The following NELL1 variants were observed in gnomAD, a reference collection of about 807,000 sequenced individuals.
NELL1 encodes neural EGFL like 1, also known as protein kinase C-binding protein NELL1.
NELL1 carries 76 observed loss-of-function variants against 107.4 expected under a neutral mutation model. The observed-to-expected ratio is 0.71, with a 90% CI of 0.59 to 0.86. NELL1 has a LOEUF of 0.86. NELL1 is among the 40% of genes least tolerant of loss of function. The pLI is 0.00. For missense variants in NELL1, 1,024 were observed against 1,005.5 expected, an observed-to-expected ratio of 1.02 and a Z score of -0.25; for synonymous variants, 353 against 341.2, an observed-to-expected ratio of 1.03 and a Z score of -0.38.
At chr11:20,694,803 G>T (rs771338966) in intron 2 of NELL1, among the ~76,000 whole-genome samples, 1 of 151,906 alleles carries the variant, frequency 6.6e-6, no homozygotes. Context: ...ACATTTTAGT[G>T]TAGGTTTTTT....
At chr11:21,300,541 T>C (rs1849470855) in intron 14 of NELL1, among the ~76,000 whole-genome samples, 1 of 151,522 alleles carries the variant, frequency 6.6e-6, no homozygotes, top group Non-Finnish European at 1.5e-5. Flanking sequence ...AAAATGAGAG[T>C]AGAGGTTAGG....
At chr11:20,906,848 G>C (rs79065275) in intron 5 of NELL1, among the ~76,000 whole-genome samples, 1 of 151,912 alleles carries the variant, frequency 6.6e-6, no homozygotes, top group African/African-American at 2.4e-5. Flanking sequence ...CTTTCTTAAC[G>C]TAATAAAGGG....
At chr11:21,310,169 G>A (rs868864079) in intron 14 of NELL1, among the ~76,000 whole-genome samples, 2 of 152,048 alleles carry the variant, frequency 1.3e-5, no homozygotes, top group African/African-American at 4.8e-5. Flanking sequence ...CTATTTACTT[G>A]TTAAGCCTAT....
chr11:20,995,648 C>T (rs4923237), intron 12 of NELL1, among the ~76,000 whole-genome samples: 144,543 of 152,204 alleles, frequency 0.95, 68,973 homozygotes, highest in East Asian at 1. Flanking sequence ...CTCCAGTTCT[C>T]AACTCAGTTC....
intron 14 of NELL1, among the ~76,000 whole-genome samples, chr11:21,233,025 C>T (rs1858105201): frequency 1.3e-5 from 2 of 152,192 alleles, no homozygotes; most frequent in African/African-American, 4.8e-5. Flanking sequence ...ATAGACTTGA[C>T]TAAATCTGGT....
chr11:21,508,997 C>T (rs1383866044), intron 15 of NELL1, among the ~76,000 whole-genome samples: 7 of 152,010 alleles, frequency 4.6e-5, no homozygotes, highest in Admixed American at 4.6e-4. Flanking sequence ...ACAGAAGCTA[C>T]ATGATTGGAG....
chr11:21,344,629 C>T (rs537768964), intron 14 of NELL1, among the ~76,000 whole-genome samples: 11 of 151,924 alleles, frequency 7.2e-5, no homozygotes, highest in African/African-American at 2.7e-4. Context: ...GGAAATATAA[C>T]CTAATAGAAA....
At chr11:21,377,061 G>C (rs1344977940) in intron 15 of NELL1, among the ~76,000 whole-genome samples, 2 of 151,980 alleles carry the variant, frequency 1.3e-5, no homozygotes, top group East Asian at 3.9e-4. Context: ...TATTGCTCTG[G>C]TTAGCACCTC....
intron 15 of NELL1, among the ~76,000 whole-genome samples, chr11:21,527,208 G>C (rs901854066): frequency 1.3e-5 from 2 of 152,024 alleles, no homozygotes; most frequent in African/African-American, 2.4e-5. Context: ...CTTTAATCCA[G>C]TTCCCAAAAG....
At chr11:20,982,250 GTGAC>G (rs1232540596) in intron 12 of NELL1, among the ~76,000 whole-genome samples, 2 of 152,148 alleles carry the variant, frequency 1.3e-5, no homozygotes, top group East Asian at 3.9e-4. Flanking sequence ...CTCAAACCAT[GTGAC>G]TGAGAGTAGG....
intron 12 of NELL1, among the ~76,000 whole-genome samples, chr11:21,093,833 C>G (rs565101431): frequency 2.6e-5 from 4 of 152,296 alleles, no homozygotes. Context: ...TTACCTCCCA[C>G]TGGGTCCTTC....
chr11:21,304,212 C>A (rs1212245781), intron 14 of NELL1, among the ~76,000 whole-genome samples: 1 of 151,962 alleles, frequency 6.6e-6, no homozygotes, highest in Non-Finnish European at 1.5e-5. Context: ...AAAGAAAAAC[C>A]ACCATGCCAT....
rs1475695850 is a variant in NELL1, at chr11:21,092,429, A to C, written c.1301-21160A>C. Among the ~76,000 whole-genome samples, 4 of 152,216 alleles carry C rather than the reference A, an allele frequency of 2.6e-5. No individual in the cohort carries two copies. The East Asian group carries it at 7.7e-4, about 29-fold the overall frequency. On this transcript the variant is annotated intron_variant, in intron 12 of 19. Transcript: ENST00000357134. Reference sequence around the variant, plus strand: ...AAATGGAATGAATAAAGATACTATTACATGAGGTTCTAGTGAGAATTAAAT... The same window carrying C: ...AAATGGAATGAATAAAGATACTATTCCATGAGGTTCTAGTGAGAATTAAAT...
chr11:20,816,133 T>C (rs542625229), intron 3 of NELL1, among the ~76,000 whole-genome samples: 1 of 152,286 alleles, frequency 6.6e-6, no homozygotes, highest in South Asian at 2.1e-4. Flanking sequence ...TTTTGGCTAT[T>C]TGGGCCTTTT....
chr11:21,303,310 T>G (rs1849538445), intron 14 of NELL1, among the ~76,000 whole-genome samples: 1 of 151,850 alleles, frequency 6.6e-6, no homozygotes, highest in African/African-American at 2.4e-5. Flanking sequence ...TTGCAAATTG[T>G]TTTTTTAGAA....
At chr11:21,470,138 C>A (rs1318579644) in intron 15 of NELL1, among the ~76,000 whole-genome samples, 2 of 151,940 alleles carry the variant, frequency 1.3e-5, no homozygotes, top group Non-Finnish European at 2.9e-5. Flanking sequence ...TGTAGGTATT[C>A]TCAAAGAATT....
intron 12 of NELL1, among the ~76,000 whole-genome samples, chr11:21,029,048 G>A (rs1852889187): frequency 6.6e-6 from 1 of 152,088 alleles, no homozygotes; most frequent in Non-Finnish European, 1.5e-5. Context: ...AGATTTGTAA[G>A]TGTTGACTTT....
intron 15 of NELL1, among the ~76,000 whole-genome samples, chr11:21,454,197 C>CGAT (rs1305892170): frequency 1.4e-5 from 2 of 146,154 alleles, no homozygotes; most frequent in African/African-American, 5.1e-5. Context: ...TTTGTTCTTG[C>CGAT]GATAGTTTAC....
At chr11:21,178,002 A>G (rs538934747) in intron 13 of NELL1, among the ~76,000 whole-genome samples, 7 of 151,976 alleles carry the variant, frequency 4.6e-5, no homozygotes, top group Non-Finnish European at 8.8e-5. Context: ...AGTTTCTTAT[A>G]TACTTTGAAT....
Sources: allele counts gnomAD v4.1 joint callset (sites outside exome capture counted in the v4.1 genomes callset), GRCh38; gene constraint gnomAD v4.1.1; transcripts MANE v1.5; gene names NCBI Gene and HGNC (gene_info 2026-07-23, HGNC 2026-07-21).